The following GRM7 variants were observed in gnomAD, a reference collection of about 807,000 sequenced individuals.
The protein encoded by GRM7 is metabotropic glutamate receptor 7.
GRM7 carries 35 observed loss-of-function variants against 84.5 expected under a neutral mutation model. That is an observed-to-expected ratio of 0.41 (90% CI 0.32 to 0.55). The LOEUF (loss-of-function observed/expected upper bound fraction) is 0.55, where lower values mean the gene tolerates loss of function less well. GRM7 is among the 20% of genes least tolerant of loss of function. GRM7 has a pLI of 0.19. For synonymous variants in GRM7, 487 were observed against 455.1 expected, an observed-to-expected ratio of 1.07 and a Z score of -0.89; for missense variants, 1,003 against 1,194.6, an observed-to-expected ratio of 0.84 and a Z score of 2.36.
At chr3:7,084,341 G>A (rs1033973227) in intron 1 of GRM7, among the ~76,000 whole-genome samples, 3 of 152,084 alleles carry the variant, frequency 2.0e-5, no homozygotes, top group African/African-American at 7.2e-5. Flanking sequence ...GTAGAGGTAG[G>A]TAGGGCCCAG....
chr3:7,300,926 C>T (rs1271298327), intron 3 of GRM7, among the ~76,000 whole-genome samples: 1 of 152,180 alleles, frequency 6.6e-6, no homozygotes, highest in East Asian at 1.9e-4. Flanking sequence ...GGGCTCAGGA[C>T]ATAGTAGCTC....
intron 1 of GRM7, among the ~76,000 whole-genome samples, chr3:7,052,457 A>G (rs1697042696): frequency 6.6e-6 from 1 of 151,582 alleles, no homozygotes; most frequent in South Asian, 2.1e-4. Flanking sequence ...TCTTGTTTTA[A>G]AAATCTAATT....
At chr3:6,927,006 A>G (rs1017123049) in intron 1 of GRM7, among the ~76,000 whole-genome samples, 33 of 152,344 alleles carry the variant, frequency 2.2e-4, no homozygotes, top group South Asian at 6.2e-4. Context: ...AGCAGCCCGC[A>G]TCTTTCACTC....
At chr3:7,634,171 G>GTAA (rs2125098842) in intron 8 of GRM7, among the ~76,000 whole-genome samples, 1 of 152,156 alleles carries the variant, frequency 6.6e-6, no homozygotes, top group African/African-American at 2.4e-5. Flanking sequence ...GGCTGATAAA[G>GTAA]TAATTCAAAA....
chr3:7,053,997 A>G (rs1697113833), intron 1 of GRM7, among the ~76,000 whole-genome samples: 2 of 151,008 alleles, frequency 1.3e-5, no homozygotes, highest in African/African-American at 4.8e-5. Flanking sequence ...ATTTAATTTT[A>G]TCAATATTTT....
At chr3:7,426,213 G>A (rs1337552739) in intron 5 of GRM7, among the ~76,000 whole-genome samples, 2 of 151,476 alleles carry the variant, frequency 1.3e-5, no homozygotes, top group African/African-American at 2.4e-5. Context: ...TCTGTCTCCC[G>A]GGTTCAAGTG....
chr3:7,544,142 G>T (rs1396958399), intron 7 of GRM7, among the ~76,000 whole-genome samples: 1 of 152,168 alleles, frequency 6.6e-6, no homozygotes, highest in South Asian at 2.1e-4. Context: ...CGTAAATCAT[G>T]TGGAAAGAGC....
At chr3:7,385,103 G>C (rs58843993) in intron 4 of GRM7, among the ~76,000 whole-genome samples, 2 of 151,654 alleles carry the variant, frequency 1.3e-5, no homozygotes, top group Admixed American at 1.3e-4. Context: ...TAAAATGTGC[G>C]AACAATAACT....
intron 9 of GRM7, among the ~76,000 whole-genome samples, chr3:7,683,598 A>G (rs1700464815): frequency 1.3e-5 from 2 of 152,252 alleles, no homozygotes; most frequent in Non-Finnish European, 2.9e-5. Context: ...CAAAGAGCTT[A>G]TCTGCACAAA....
rs112929131 is a variant in GRM7, at chr3:7,732,274, T to C, written c.2699-8083T>C. 8.8e-3 allele frequency among the ~76,000 whole-genome samples: 1,345 copies of C among 152,288 alleles called. 18 individuals carry two copies. Among genetic ancestry groups the C allele is most frequent in the Admixed American group, 0.01 (157 of 15,302 alleles). ...TCTATGGTAACACATCCCAAAAATATTGAGTGCCAACTATACATTGCACAC... is the reference window on the plus strand; with the variant it reads ...TCTATGGTAACACATCCCAAAAATACTGAGTGCCAACTATACATTGCACAC... On this transcript the variant is annotated intron_variant, in intron 9 of 9. Coordinates refer to ENST00000357716, the MANE Select transcript of GRM7 (RefSeq NM_000844.4).
intron 2 of GRM7, among the ~76,000 whole-genome samples, chr3:7,240,978 G>A (rs1486385435): frequency 6.6e-6 from 1 of 152,100 alleles, no homozygotes. Flanking sequence ...ATACCATGTA[G>A]CCTATGTATG....
Position 7,642,686 on chromosome 3 carries a change from G to C in GRM7, c.2452-37363G>C, listed in dbSNP as rs564346201. 3.9e-5 allele frequency among the ~76,000 whole-genome samples: 6 copies of C among 152,142 alleles called. No homozygotes were observed. In the East Asian group the frequency reaches 1.2e-3, roughly 29 times the overall value. ...GTACTTTTGGGGTAATCCAGGCTCA[G>C]TCTCACTTGAATTTATTCGTTGGAG... On this transcript the variant is annotated intron_variant, in intron 8 of 9. Transcript: ENST00000357716.
At chr3:7,325,103 C>G (rs1292943254) in intron 4 of GRM7, among the ~76,000 whole-genome samples, 2 of 152,116 alleles carry the variant, frequency 1.3e-5, no homozygotes, top group African/African-American at 4.8e-5. Context: ...TCCTTCTAAG[C>G]TTTTCCAGAA....
At chr3:7,306,849 A>T (rs1442281432) in intron 4 of GRM7, among the ~76,000 whole-genome samples, 197 bp downstream of exon 4, 6 of 152,190 alleles carry the variant, frequency 3.9e-5, no homozygotes, top group Admixed American at 3.9e-4. Context: ...TGAGGAGATC[A>T]TATTATTTTC....
chr3:7,692,551 G>A (rs1700846937), intron 9 of GRM7, among the ~76,000 whole-genome samples: 2 of 152,060 alleles, frequency 1.3e-5, no homozygotes, highest in African/African-American at 4.8e-5. Context: ...TCTTCAAAGG[G>A]CCTATCATGA....
intron 8 of GRM7, among the ~76,000 whole-genome samples, chr3:7,581,229 C>G (rs1695235548): frequency 6.6e-6 from 1 of 152,014 alleles, no homozygotes; most frequent in Non-Finnish European, 1.5e-5. Context: ...ATTTAAAAAC[C>G]TGAAATTGAA....
At chr3:7,077,304 C>T (rs1484716389) in intron 1 of GRM7, among the ~76,000 whole-genome samples, 3 of 152,148 alleles carry the variant, frequency 2.0e-5, no homozygotes, top group Non-Finnish European at 4.4e-5. Context: ...TTCACAATAG[C>T]AAAGGCTTGG....
At chr3:7,168,945 G>T (rs916561051) in intron 2 of GRM7, among the ~76,000 whole-genome samples, 3 of 152,102 alleles carry the variant, frequency 2.0e-5, no homozygotes, top group Non-Finnish European at 4.4e-5. Context: ...ACCAGAAAAG[G>T]TATCTGCATT....
intron 1 of GRM7, among the ~76,000 whole-genome samples, chr3:7,048,152 A>T (rs894803874): frequency 6.6e-6 from 1 of 151,952 alleles, no homozygotes; most frequent in Non-Finnish European, 1.5e-5. Context: ...TATTTCTGAC[A>T]TACATTGGCA....
Sources: gnomAD v4.1 joint callset for allele counts (sites outside exome capture counted in the v4.1 genomes callset) on GRCh38, gnomAD v4.1.1 for gene constraint, MANE v1.5 for transcripts, NCBI Gene and HGNC (gene_info 2026-07-23, HGNC 2026-07-21) for gene names.